Variants in DISC1 observed in about 807,000 individuals in gnomAD.
The protein encoded by DISC1 is DISC1 scaffold protein, also known as disrupted in schizophrenia 1 protein.
DISC1 carries 57 observed loss-of-function variants against 84.5 expected under a neutral mutation model. The observed-to-expected ratio is 0.67, with a 90% CI of 0.55 to 0.84. DISC1 has a LOEUF of 0.84. Ranked by LOEUF, DISC1 falls within the 40% of genes least tolerant of loss-of-function variation. The pLI is 0.00. For missense variants in DISC1, 1,000 were observed against 1,057.8 expected, an observed-to-expected ratio of 0.95 and a Z score of 0.76; for synonymous variants, 411 against 415.2, an observed-to-expected ratio of 0.99 and a Z score of 0.12.
Position 231,957,300 on chromosome 1 carries a change from AC to A in DISC1, c.1982-1527del, listed in dbSNP as rs1475176601. On this transcript the variant is annotated intron_variant, in intron 9 of 12. Transcript: ENST00000439617. ...GATGCCCTCTTCCCTCCCTCCGCAA[AC>A]TTTTATGGAGTGTCATTTCCCCAGT... is the stretch of plus-strand genomic sequence containing the variant. Among the ~76,000 whole-genome samples, 21 of 151,604 alleles carry A rather than the reference AC, an allele frequency of 1.4e-4. No individual in the cohort carries two copies. In the East Asian group the frequency reaches 2.7e-3, roughly 20 times the overall value.
chr1:232,009,665 C>G lies in DISC1; in HGVS notation c.2307+616C>G. 1 of 837,500 alleles carries G rather than the reference C, an allele frequency of 1.2e-6. No homozygotes were observed. The highest frequency in any genetic ancestry group is 1.4e-6 in the Non-Finnish European group (1 of 695,556). 51.9% of individuals were successfully genotyped at this position (837,500 alleles called of 1,614,324 possible). Reference sequence around the variant, plus strand: ...TATGGTTTTATTTAACTTTCTTTTTCTCTCCCCTCTTTCCTCTCTCCCTTC... The same window carrying G: ...TATGGTTTTATTTAACTTTCTTTTTGTCTCCCCTCTTTCCTCTCTCCCTTC... On this transcript the variant is annotated intron_variant, in intron 11 of 12. Coordinates refer to ENST00000439617, the MANE Select transcript of DISC1 (RefSeq NM_018662.3). This position sits in a 1 kb window ranked among gnomAD's most constrained non-coding sequence, Gnocchi z 4.6.
rs1362124087 is a variant in DISC1 at position 232,002,916 on chromosome 1, G to A, written c.2043-5869G>A. ...ACACACACACAAGGGGAACTCTGAC[G>A]AAGATCAGTGGATTTTATCAATGTC... On this transcript the variant is annotated intron_variant, in intron 10 of 12. Coordinates refer to ENST00000439617, the MANE Select transcript of DISC1 (RefSeq NM_018662.3). 3.3e-5 allele frequency among the ~76,000 whole-genome samples: 5 copies of A among 152,138 alleles called. No homozygotes were observed. The East Asian group carries it at 5.8e-4, about 18-fold the overall frequency.
At chr1:231,921,641 T>C (rs202226575) in intron 9 of DISC1, among the ~76,000 whole-genome samples, 1 of 152,182 alleles carries the variant, frequency 6.6e-6, no homozygotes, top group Non-Finnish European at 1.5e-5. Context: ...TTTCAAATTA[T>C]TTCTATTTGC....
intron 9 of DISC1, among the ~76,000 whole-genome samples, chr1:231,828,367 C>G (rs2082004915): frequency 6.6e-6 from 1 of 152,172 alleles, no homozygotes; most frequent in Non-Finnish European, 1.5e-5. Context: ...GTATACCCTT[C>G]ACCCAACTCC....
chr1:231,894,243 G>T (rs1190038830), intron 9 of DISC1, among the ~76,000 whole-genome samples: 1 of 152,094 alleles, frequency 6.6e-6, no homozygotes, highest in African/African-American at 2.4e-5. Context: ...CTTTTAACAT[G>T]AAATATTTCA....
chr1:231,988,827 G>A (rs201029524), intron 10 of DISC1, among the ~76,000 whole-genome samples: 4 of 152,170 alleles, frequency 2.6e-5, no homozygotes, highest in Non-Finnish European at 5.9e-5. Context: ...TAATTTCAAT[G>A]GTGCAAGTTC....
At chr1:231,905,770 A>G (rs2088585115) in intron 9 of DISC1, among the ~76,000 whole-genome samples, 1 of 152,102 alleles carries the variant, frequency 6.6e-6, no homozygotes, top group South Asian at 2.1e-4. Flanking sequence ...ATTTGGCAAC[A>G]TTTCAATGAA....
intron 4 of DISC1, among the ~76,000 whole-genome samples, chr1:231,759,469 G>C (rs1020782787): frequency 6.4e-5 from 8 of 124,046 alleles, no homozygotes; most frequent in African/African-American, 2.4e-4. Flanking sequence ...CAGGAGGATT[G>C]CTTGAGACCA....
intron 9 of DISC1, among the ~76,000 whole-genome samples, chr1:231,857,179 C>T (rs1482983723): frequency 6.6e-6 from 1 of 152,230 alleles, no homozygotes; most frequent in East Asian, 1.9e-4. Context: ...GGTCAAGGCA[C>T]TCTGTGAGTT....
intron 9 of DISC1, among the ~76,000 whole-genome samples, chr1:231,951,508 G>A (rs1296928637): frequency 2.6e-5 from 4 of 152,188 alleles, no homozygotes; most frequent in Non-Finnish European, 5.9e-5. Flanking sequence ...AGCTAGCATG[G>A]AAAATCCTTT....
chr1:231,666,648 C>G (rs1389866128), intron 1 of DISC1, among the ~76,000 whole-genome samples: 1 of 152,198 alleles, frequency 6.6e-6, no homozygotes, highest in African/African-American at 2.4e-5. Flanking sequence ...GCCCACCCCT[C>G]CCTACATACA....
At chr1:231,822,781 C>T (rs553037568) in intron 9 of DISC1, among the ~76,000 whole-genome samples, 1 of 152,240 alleles carries the variant, frequency 6.6e-6, no homozygotes, top group African/African-American at 2.4e-5. Flanking sequence ...GTGAGGGCCT[C>T]AGGCTGCTTC....
At chr1:231,701,044 C>T (rs1462518350) in intron 2 of DISC1, among the ~76,000 whole-genome samples, 2 of 152,062 alleles carry the variant, frequency 1.3e-5, no homozygotes, top group Non-Finnish European at 2.9e-5. Context: ...AAGACGTACC[C>T]AAGTCTGGGT....
chr1:231,753,820 C>G (rs752229030), intron 4 of DISC1, among the ~76,000 whole-genome samples: 8 of 152,148 alleles, frequency 5.3e-5, no homozygotes, highest in Non-Finnish European at 7.3e-5. Context: ...GCAGCCAGGC[C>G]ACATCTTGAA....
chr1:231,742,783 G>T (rs1260110821), intron 3 of DISC1, among the ~76,000 whole-genome samples: 1 of 135,600 alleles, frequency 7.4e-6, no homozygotes, highest in Non-Finnish European at 1.6e-5. Flanking sequence ...GGTGGCACAT[G>T]CCAGTAGTCC....
intron 9 of DISC1, among the ~76,000 whole-genome samples, chr1:231,958,582 G>T (rs899557864): frequency 1.3e-4 from 20 of 152,200 alleles, no homozygotes; most frequent in African/African-American, 4.8e-4. Flanking sequence ...ACTACAGCAA[G>T]GCTGGCTCAG....
chr1:231,774,600 G>T (rs2076817634), intron 6 of DISC1: 3 of 434,836 alleles, frequency 6.9e-6, no homozygotes, highest in African/African-American at 2.0e-5. Context: ...CTGTGTAGGT[G>T]CACACTTTGA....
At chr1:231,707,950 T>G (rs2067294332) in intron 3 of DISC1, among the ~76,000 whole-genome samples, 2 of 152,090 alleles carry the variant, frequency 1.3e-5, no homozygotes, top group African/African-American at 4.8e-5. Context: ...AAACCAAATG[T>G]GGGGAAAGGA....
chr1:231,795,098 G>A (rs2078654466), intron 6 of DISC1, 144 bp from the exon 7 acceptor site: 1 of 759,876 alleles, frequency 1.3e-6, no homozygotes, highest in African/African-American at 1.7e-5. Context: ...GTAGTCAAAT[G>A]GAGCCAATTT....
Sources: gnomAD v4.1 joint callset for allele counts (sites outside exome capture counted in the v4.1 genomes callset) on GRCh38, gnomAD v4.1.1 for gene constraint, Gnocchi (gnomAD v3.1) non-coding constraint, MANE v1.5 for transcripts, NCBI Gene and HGNC (gene_info 2026-07-23, HGNC 2026-07-21) for gene names.